The following HIP1 variants were observed in gnomAD, a reference collection of about 807,000 sequenced individuals.
HIP1 encodes huntingtin-interacting protein 1.
HIP1 carries 65 observed loss-of-function variants against 147.6 expected under a neutral mutation model. That is an observed-to-expected ratio of 0.44 (90% confidence interval 0.36 to 0.54). The LOEUF is 0.54. Ranked by LOEUF, HIP1 falls within the 20% of genes least tolerant of loss-of-function variation. HIP1 has a pLI of 0.00. For missense variants in HIP1, 1,061 were observed against 1,299.6 expected (o/e 0.82, Z 2.82); for synonymous variants, 479 against 504.0 (o/e 0.95, Z 0.67).
At chr7:75,687,462 C>G (rs181301235) in intron 1 of HIP1, among the ~76,000 whole-genome samples, 1 of 152,148 alleles carries the variant, frequency 6.6e-6, no homozygotes, top group Admixed American at 6.6e-5. Context: ...GAGGCCAAGG[C>G]GGGAGGATCA....
At chr7:75,603,739 G>A (rs1797102955) in intron 1 of HIP1, among the ~76,000 whole-genome samples, 1 of 151,694 alleles carries the variant, frequency 6.6e-6, no homozygotes, top group Non-Finnish European at 1.5e-5. Context: ...CAGGTGTGGT[G>A]GTGCACAACT....
chr7:75,545,939 C>CAAAA (rs1244082586), intron 25 of HIP1, among the ~76,000 whole-genome samples: 20 of 152,026 alleles, frequency 1.3e-4, no homozygotes, highest in African/African-American at 4.8e-4. Flanking sequence ...GACTCAGTCT[C>CAAAA]AAAAACAAAC....
chr7:75,580,282 A>G (rs1795990066), intron 7 of HIP1, among the ~76,000 whole-genome samples: 1 of 152,202 alleles, frequency 6.6e-6, no homozygotes, highest in Non-Finnish European at 1.5e-5. Context: ...GTAGCAGACA[A>G]GACTGGACCA....
At chr7:75,608,753 C>G (rs1797322069) in intron 1 of HIP1, among the ~76,000 whole-genome samples, 1 of 152,134 alleles carries the variant, frequency 6.6e-6, no homozygotes, top group South Asian at 2.1e-4. Flanking sequence ...GAGAGGCAAC[C>G]TCTCTGGGTT....
intron 29 of HIP1, among the ~76,000 whole-genome samples, chr7:75,540,245 T>C (rs1794253325): frequency 6.6e-6 from 1 of 151,798 alleles, no homozygotes; most frequent in Admixed American, 6.6e-5. Flanking sequence ...CTGACAAACA[T>C]GATGAAACCC....
At chr7:75,553,871 T>TA (rs1376699773) in intron 21 of HIP1, among the ~76,000 whole-genome samples, 3 of 152,190 alleles carry the variant, frequency 2.0e-5, no homozygotes, top group African/African-American at 7.2e-5. Flanking sequence ...CCCAAAGTGT[T>TA]ACGGCGATTA....
Position 75,642,265 on chromosome 7 carries a change from C to T in HIP1, c.121-43018G>A, listed in dbSNP as rs1167020929. ...AACAAAAAACCCTTCTGGTTGGGTA[C>T]GACGGTTCACACCTGTAATCCCAGC... On this transcript the variant is annotated intron_variant, in intron 1 of 30. Transcript: ENST00000336926. 1.8e-4 allele frequency among the ~76,000 whole-genome samples: 27 copies of T among 152,130 alleles called. 1 individual carries two copies. The highest frequency in any genetic ancestry group is 4.4e-5 in the Non-Finnish European group (3 of 67,998).
chr7:75,604,991 C>T (rs587662220), intron 1 of HIP1, among the ~76,000 whole-genome samples: 1 of 152,236 alleles, frequency 6.6e-6, no homozygotes, highest in South Asian at 2.1e-4. Flanking sequence ...AAGTTCTGTG[C>T]TGTAGTGTTG....
chr7:75,615,588 GACAAAGACTGT>G (rs1460103133), intron 1 of HIP1, among the ~76,000 whole-genome samples: 1 of 151,970 alleles, frequency 6.6e-6, no homozygotes, highest in Non-Finnish European at 1.5e-5. Flanking sequence ...TCCTCAAAGG[GACAAAGACTGT>G]ACTACTCCTT....
At chr7:75,668,680 A>G (rs781873933) in intron 1 of HIP1, among the ~76,000 whole-genome samples, 42 of 152,158 alleles carry the variant, frequency 2.8e-4, no homozygotes, top group Non-Finnish European at 5.7e-4. Flanking sequence ...CTGGCCAATG[A>G]TAGCACCATC....
intron 30 of HIP1, among the ~76,000 whole-genome samples, chr7:75,538,466 A>C (rs1243585068): frequency 1.3e-5 from 2 of 151,968 alleles, no homozygotes; most frequent in African/African-American, 2.4e-5. Flanking sequence ...TGCTTTCGAC[A>C]TGCAGACAAC....
chr7:75,588,128 G>A (rs782641842), intron 4 of HIP1, among the ~76,000 whole-genome samples: 6 of 152,284 alleles, frequency 3.9e-5, no homozygotes, highest in African/African-American at 1.4e-4. Context: ...GCTGTGATTG[G>A]GGAAGGAAAA....
intron 1 of HIP1, among the ~76,000 whole-genome samples, chr7:75,659,660 A>C (rs868981597): frequency 1.5e-4 from 23 of 152,142 alleles, no homozygotes; most frequent in Admixed American, 3.3e-4. Context: ...AAGAGAAAAA[A>C]AAAGACAGAA....
chr7:75,588,065 A>C (rs1210967228), intron 4 of HIP1, among the ~76,000 whole-genome samples: 4 of 152,194 alleles, frequency 2.6e-5, no homozygotes, highest in Non-Finnish European at 5.9e-5. Context: ...GTACTCCTGC[A>C]CTGAGGAAGT....
intron 25 of HIP1, among the ~76,000 whole-genome samples, chr7:75,545,867 G>T (rs1794542024): frequency 6.6e-6 from 1 of 152,132 alleles, no homozygotes; most frequent in Non-Finnish European, 1.5e-5. Flanking sequence ...CTTGAACCCA[G>T]GAGGCAGAGG....
In HIP1 at chr7:75,559,721, C is replaced by CCCCCCCCCCCCT; in HGVS notation, c.1375+10_1375+11insAGGGGGGGGGGG. ...CCCCGGGGCCCGCCCCCGCCCCCAC[C>CCCCCCCCCCCCT]CACCGCTCACTTTCTATCTCAGACA... On this transcript the variant is annotated intron_variant, in intron 14 of 30. Transcript: ENST00000336926. 6.7e-7 allele frequency: 1 copy of CCCCCCCCCCCCT among 1,489,900 alleles called. No individual in the cohort carries two copies. Among genetic ancestry groups the CCCCCCCCCCCCT allele is most frequent in the Non-Finnish European group, 8.9e-7 (1 of 1,118,306 alleles). 92.3% of individuals were successfully genotyped at this position (1,489,900 alleles called of 1,614,324 possible). A position where few individuals can be genotyped will look rare whatever the true frequency, so the allele number is the denominator to read the frequency against.
Position 75,537,560 on chromosome 7 carries a change from G to C in HIP1, c.*612C>G, listed in dbSNP as rs1357667682. Reference sequence around the variant, plus strand: ...CAAAAAACCCAACCAACCACCATAAGAAGCAGTGGAAATCCATGGCACTGC... The same window carrying C: ...CAAAAAACCCAACCAACCACCATAACAAGCAGTGGAAATCCATGGCACTGC... On this transcript the variant is annotated 3_prime_UTR_variant, in exon 31 of 31. Coordinates refer to ENST00000336926, the MANE Select transcript of HIP1 (RefSeq NM_005338.7). The C allele has an allele frequency of 8.6e-6, 2 of 232,530 alleles. No homozygotes were observed. Among genetic ancestry groups the C allele is most frequent in the African/African-American group, 4.4e-5 (2 of 45,248 alleles). 14.4% of individuals were successfully genotyped at this position (232,530 alleles called of 1,614,324 possible).
chr7:75,660,652 T>C (rs1799282449), intron 1 of HIP1, among the ~76,000 whole-genome samples: 1 of 152,188 alleles, frequency 6.6e-6, no homozygotes, highest in Non-Finnish European at 1.5e-5. Context: ...AGCAAAATAC[T>C]ATCAAGACGA....
Position 75,579,273 on chromosome 7 carries a change from G to A in HIP1, c.604+1964C>T, listed in dbSNP as rs587633287. Reference sequence around the variant, plus strand: ...CAAATAGCTTCCTAGTCGGCTGAATGTCCCTTTCTCGCACAAACCGCAGTT... The same window carrying A: ...CAAATAGCTTCCTAGTCGGCTGAATATCCCTTTCTCGCACAAACCGCAGTT... On this transcript the variant is annotated intron_variant, in intron 7 of 30. Coordinates refer to ENST00000336926, the MANE Select transcript of HIP1 (RefSeq NM_005338.7). Among the ~76,000 whole-genome samples, 7 of 152,210 alleles carry A rather than the reference G, an allele frequency of 4.6e-5. No homozygotes were observed. The East Asian group carries it at 9.7e-4, about 21-fold the overall frequency.
Sources: gnomAD v4.1 joint callset for allele counts (sites outside exome capture counted in the v4.1 genomes callset) on GRCh38, gnomAD v4.1.1 for gene constraint, MANE v1.5 for transcripts, NCBI Gene and HGNC (gene_info 2026-07-23, HGNC 2026-07-21) for gene names.